The following OXCT1 variants were observed in gnomAD, a reference collection of about 807,000 sequenced individuals.
OXCT1 encodes 3-oxoacid CoA-transferase 1, also known as succinyl-CoA:3-ketoacid coenzyme A transferase 1, mitochondrial.
OXCT1 carries 27 observed loss-of-function variants against 69.6 expected under a neutral mutation model. That is an observed-to-expected ratio of 0.39 (90% confidence interval 0.29 to 0.54). The LOEUF (loss-of-function observed/expected upper bound fraction) is 0.54. OXCT1 is among the 20% of genes least tolerant of loss of function. OXCT1 has a pLI of 0.72. For missense variants in OXCT1, 437 were observed against 650.2 expected (o/e 0.67, Z 3.57); for synonymous variants, 202 against 217.8 (o/e 0.93, Z 0.64).
chr5:41,843,419 A>C (rs767033395), intron 5 of OXCT1, among the ~76,000 whole-genome samples: 1 of 152,072 alleles, frequency 6.6e-6, no homozygotes, highest in Non-Finnish European at 1.5e-5. Context: ...ATAGGTACTT[A>C]GTGGTTTCTC....
chr5:41,795,662 T>C lies in OXCT1; in HGVS notation c.1100-913A>G, dbSNP rs554816423. On this transcript the variant is annotated intron_variant, in intron 11 of 16. Coordinates refer to ENST00000196371, the MANE Select transcript of OXCT1 (RefSeq NM_000436.4). ...TGAGATGCTAATGTACAGCATATAGTATTAACTATAGTTAATACTATACTG... is the reference window on the plus strand; with the variant it reads ...TGAGATGCTAATGTACAGCATATAGCATTAACTATAGTTAATACTATACTG... Among the ~76,000 whole-genome samples the C allele has an allele frequency of 6.6e-5, 10 of 152,246 alleles. No homozygotes were observed. The East Asian group carries it at 1.9e-3, about 29-fold the overall frequency.
intron 3 of OXCT1, 149 bp downstream of exon 3, chr5:41,861,165 C>G (rs1579902592): frequency 1.5e-6 from 1 of 678,812 alleles, no homozygotes; most frequent in Admixed American, 2.2e-5. Flanking sequence ...ATGTAACCAC[C>G]CCTCTTGACC....
intron 10 of OXCT1, among the ~76,000 whole-genome samples, chr5:41,802,029 T>C (rs1746447863): frequency 6.6e-6 from 1 of 152,126 alleles, no homozygotes; most frequent in Non-Finnish European, 1.5e-5. Flanking sequence ...ATGTAAATTT[T>C]CCTTTAAACA....
rs1383164530 is a variant in OXCT1 at position 41,842,792 on chromosome 5, G to C, written c.565-11C>G. The C allele has an allele frequency of 6.5e-7, 1 of 1,544,964 alleles. No individual in the cohort carries two copies. The highest frequency in any genetic ancestry group is 9.0e-7 in the Non-Finnish European group (1 of 1,117,248). ...ATTGAACTCCCTCACCTGCAGAAGA[G>C]GGAGAAGGCATCATCAGGTATTTGC... On this transcript the variant is annotated splice_polypyrimidine_tract_variant and intron_variant, in intron 5 of 16. Transcript: ENST00000196371.
intron 13 of OXCT1, among the ~76,000 whole-genome samples, chr5:41,769,619 C>T (rs1744786321): frequency 6.7e-6 from 1 of 150,292 alleles, no homozygotes. Context: ...GTCCCAGCTA[C>T]TCGAGAAGCT....
At position 41,731,397 on chromosome 5, in the gene OXCT1, A is replaced by C. The variant is rs1479039777; in HGVS notation, c.*332T>G. 2 of 1,057,322 alleles carry C rather than the reference A, an allele frequency of 1.9e-6. No homozygotes were observed. Among genetic ancestry groups the C allele is most frequent in the East Asian group, 7.1e-5 (1 of 14,180 alleles). The allele number at this position is 1,057,322 out of a possible 1,614,324, so 65.5% of individuals were successfully genotyped here. On this transcript the variant is annotated 3_prime_UTR_variant, in exon 17 of 17. Transcript: ENST00000196371. ...ATAATTAATATTTAAGAGGAAAGCC[A>C]CATCAATTTCTAGGGCCCTTCTTGG...
chr5:41,813,776 TAC>T (rs1747099943), intron 7 of OXCT1, among the ~76,000 whole-genome samples: 3 of 148,364 alleles, frequency 2.0e-5, no homozygotes, highest in African/African-American at 7.9e-5. Context: ...ACAAACCAAT[TAC>T]CTTTATGCCA....
intron 13 of OXCT1, among the ~76,000 whole-genome samples, chr5:41,763,391 AG>A (rs1168855940): frequency 2.6e-5 from 4 of 152,132 alleles, no homozygotes; most frequent in Non-Finnish European, 5.9e-5. Flanking sequence ...CGTTTGAAGC[AG>A]AACATAATGT....
At chr5:41,849,168 CATATTCA>C (rs1419558661) in intron 5 of OXCT1, among the ~76,000 whole-genome samples, 1 of 152,152 alleles carries the variant, frequency 6.6e-6, no homozygotes, top group Non-Finnish European at 1.5e-5. Context: ...CATCAAAGGA[CATATTCA>C]GTGACCTCCA....
rs561615559 is a variant in OXCT1, at chr5:41,844,704, G to A, written c.565-1923C>T. The stretch of plus-strand genomic sequence containing the variant: ...TCTCCAATGCACCATGTTCCAAACA[G>A]AGCTCTTTGATAAGGCCTGTGCTTC... On this transcript the variant is annotated intron_variant, in intron 5 of 16. Coordinates refer to ENST00000196371, the MANE Select transcript of OXCT1 (RefSeq NM_000436.4). 4.9e-4 allele frequency among the ~76,000 whole-genome samples: 75 copies of A among 152,112 alleles called. 1 individual carries two copies. Among genetic ancestry groups the A allele is most frequent in the South Asian group, 3.1e-3 (15 of 4,808 alleles).
intron 7 of OXCT1, 91 bp from the exon 8 acceptor site, chr5:41,807,529 CT>C (rs1209124211): frequency 1.3e-6 from 1 of 740,930 alleles, no homozygotes; most frequent in Non-Finnish European, 2.4e-6. Context: ...TCACATACAA[CT>C]TAGGCTGCAA....
chr5:41,837,360 G>A (rs1748416733), intron 7 of OXCT1, among the ~76,000 whole-genome samples: 1 of 151,626 alleles, frequency 6.6e-6, no homozygotes, highest in South Asian at 2.1e-4. Flanking sequence ...ACACTGTTAT[G>A]CCTCCCACTG....
chr5:41,793,869 T>C, intron 13 of OXCT1, 134 bp downstream of exon 13: 1 of 668,630 alleles, frequency 1.5e-6, no homozygotes, highest in Non-Finnish European at 2.6e-6. Context: ...TTAATTAAAA[T>C]TTGATTCTAG....
chr5:41,844,498 C>T (rs187387409), intron 5 of OXCT1, among the ~76,000 whole-genome samples: 1 of 152,122 alleles, frequency 6.6e-6, no homozygotes, highest in East Asian at 1.9e-4. Flanking sequence ...TTTCTCTTTG[C>T]TGCTCCTTCT....
intron 7 of OXCT1, among the ~76,000 whole-genome samples, chr5:41,820,956 T>C (rs1561103738): frequency 6.6e-6 from 1 of 152,160 alleles, no homozygotes; most frequent in Admixed American, 6.5e-5. Flanking sequence ...TATCACTAAA[T>C]TGGGCACTCA....
At chr5:41,825,587 T>C (rs1236723619) in intron 7 of OXCT1, among the ~76,000 whole-genome samples, 1 of 152,228 alleles carries the variant, frequency 6.6e-6, no homozygotes, top group Non-Finnish European at 1.5e-5. Context: ...TCCCTCTGTG[T>C]TCAGGGAGTT....
chr5:41,794,494 T>C, intron 12 of OXCT1, 183 bp downstream of exon 12: 1 of 635,432 alleles, frequency 1.6e-6, no homozygotes, highest in Non-Finnish European at 2.8e-6. Flanking sequence ...TTCCTAACAG[T>C]GGGCTGGATA....
intron 13 of OXCT1, among the ~76,000 whole-genome samples, chr5:41,782,608 G>A (rs1165460682): frequency 6.6e-6 from 1 of 151,122 alleles, no homozygotes; most frequent in Non-Finnish European, 1.5e-5. Context: ...GTTTTTTTTT[G>A]TAAATATGCT....
chr5:41,788,891 A>G (rs1472606070), intron 13 of OXCT1, among the ~76,000 whole-genome samples: 1 of 152,212 alleles, frequency 6.6e-6, no homozygotes, highest in Non-Finnish European at 1.5e-5. Context: ...AGCAAGTCTC[A>G]AATTTAAAAG....
Sources: gnomAD v4.1 joint callset for allele counts (sites outside exome capture counted in the v4.1 genomes callset) on GRCh38, gnomAD v4.1.1 for gene constraint, MANE v1.5 for transcripts, NCBI Gene and HGNC (gene_info 2026-07-23, HGNC 2026-07-21) for gene names.